The following CHODL variants were observed in gnomAD, a reference collection of about 807,000 sequenced individuals.
CHODL encodes transmembrane protein MT75.
CHODL carries 29 observed loss-of-function variants against 34.5 expected under a neutral mutation model. The observed-to-expected ratio is 0.84, with a 90% CI of 0.63 to 1.15. CHODL has a LOEUF of 1.15. Ranked by LOEUF, CHODL falls within the 50% of genes most tolerant of loss-of-function variation. The pLI is 0.00. For synonymous variants in CHODL, 125 were observed against 116.1 expected (o/e 1.08, Z -0.49); for missense variants, 332 against 332.5 (o/e 1.00, Z 0.01).
chr21:17,954,188 ATTT>A (rs1398518174), intron 1 of CHODL, among the ~76,000 whole-genome samples: 1 of 152,176 alleles, frequency 6.6e-6, no homozygotes, highest in Non-Finnish European at 1.5e-5. Context: ...AATGAGTGAT[ATTT>A]TGCAATAAGT....
chr21:18,223,190 G>A (rs1243566809), intron 2 of CHODL, among the ~76,000 whole-genome samples: 2 of 152,098 alleles, frequency 1.3e-5, no homozygotes, highest in African/African-American at 2.4e-5. Context: ...TAGAACCAAA[G>A]CATTTTGTTG....
intron 2 of CHODL, among the ~76,000 whole-genome samples, chr21:18,059,778 A>G (rs2064635022): frequency 6.6e-6 from 1 of 152,178 alleles, no homozygotes; most frequent in African/African-American, 2.4e-5. Context: ...GTTCTCACTT[A>G]TAAGCGGGGA....
chr21:17,938,428 C>A (rs1007956764), intron 1 of CHODL, among the ~76,000 whole-genome samples: 1 of 144,834 alleles, frequency 6.9e-6, no homozygotes, highest in African/African-American at 2.6e-5. Context: ...CTTATGAACT[C>A]CGATTTTAAA....
intron 2 of CHODL, among the ~76,000 whole-genome samples, chr21:18,043,403 T>G (rs568437386): frequency 6.6e-6 from 1 of 152,014 alleles, no homozygotes; most frequent in Non-Finnish European, 1.5e-5. Context: ...TATGTGAATC[T>G]GTCATTTCTT....
In CHODL at chr21:18,260,189, A is replaced by C; in HGVS notation, c.548-11A>C. ...ATCATTATATATGATGGTGGTTCTT[A>C]TTATTTACAGAGATTAATCCAACAG... On this transcript the variant is annotated splice_polypyrimidine_tract_variant and intron_variant, in intron 3 of 5. Coordinates refer to ENST00000299295, the MANE Select transcript of CHODL (RefSeq NM_024944.3). 7.1e-7 allele frequency: 1 copy of C among 1,408,312 alleles called. No individual in the cohort carries two copies. Among genetic ancestry groups the C allele is most frequent in the Non-Finnish European group, 9.6e-7 (1 of 1,040,770 alleles). 87.2% of individuals were successfully genotyped at this position (1,408,312 alleles called of 1,614,324 possible). A position where few individuals can be genotyped will look rare whatever the true frequency, so the allele number is the denominator to read the frequency against.
At chr21:18,121,607 A>G (rs1408239367) in intron 2 of CHODL, among the ~76,000 whole-genome samples, 1 of 152,172 alleles carries the variant, frequency 6.6e-6, no homozygotes, top group Non-Finnish European at 1.5e-5. Context: ...CTAAAAATCA[A>G]GTTATTGTTT....
intron 2 of CHODL, among the ~76,000 whole-genome samples, chr21:18,139,313 C>T (rs2072774157): frequency 6.6e-6 from 1 of 151,932 alleles, no homozygotes; most frequent in Admixed American, 6.6e-5. Context: ...AGAAGGGCCA[C>T]TGGAGAACCC....
chr21:18,120,195 A>G (rs1006491549), intron 2 of CHODL, among the ~76,000 whole-genome samples: 4 of 152,184 alleles, frequency 2.6e-5, no homozygotes, highest in African/African-American at 7.2e-5. Flanking sequence ...TAAATTATTG[A>G]GCTATGTCCA....
At chr21:18,188,636 A>T (rs1361365589) in intron 2 of CHODL, among the ~76,000 whole-genome samples, 1 of 152,176 alleles carries the variant, frequency 6.6e-6, no homozygotes, top group Non-Finnish European at 1.5e-5. Context: ...GGATATGTTG[A>T]CGTTTTGGTC....
chr21:18,258,027 G>A lies in CHODL; in HGVS notation c.547+900G>A, dbSNP rs144295415. 2.9e-3 allele frequency among the ~76,000 whole-genome samples: 443 copies of A among 152,110 alleles called. 1 individual carries two copies. The highest frequency in any genetic ancestry group is 1.0e-2 in the African/African-American group (413 of 41,498). On this transcript the variant is annotated intron_variant, in intron 3 of 5. Transcript: ENST00000299295. Reference sequence around the variant, plus strand: ...AGGTGTCTGCTTGAACTCATAATACGTGTTCACAGAAGGCAATTATAGTTG... The same window carrying A: ...AGGTGTCTGCTTGAACTCATAATACATGTTCACAGAAGGCAATTATAGTTG...
chr21:17,925,553 A>G (rs931216188), intron 1 of CHODL, among the ~76,000 whole-genome samples: 2 of 152,248 alleles, frequency 1.3e-5, no homozygotes, highest in South Asian at 4.1e-4. Context: ...CTTGTTGAAT[A>G]AATAAACAAG....
chr21:18,173,739 G>A (rs1350592558), intron 2 of CHODL, among the ~76,000 whole-genome samples: 2 of 152,002 alleles, frequency 1.3e-5, no homozygotes, highest in African/African-American at 4.8e-5. Flanking sequence ...TACGGGATGA[G>A]AAAATATTTA....
chr21:17,947,176 G>A (rs750364835), intron 1 of CHODL, among the ~76,000 whole-genome samples: 13 of 151,964 alleles, frequency 8.6e-5, no homozygotes, highest in Non-Finnish European at 1.6e-4. Context: ...GATCATAATG[G>A]TTTAAAACTA....
chr21:18,098,380 C>G (rs1219721229), intron 2 of CHODL, among the ~76,000 whole-genome samples: 1 of 151,598 alleles, frequency 6.6e-6, no homozygotes, highest in Non-Finnish European at 1.5e-5. Flanking sequence ...AATAATAATT[C>G]AATTAAAAAT....
intron 2 of CHODL, among the ~76,000 whole-genome samples, chr21:18,079,046 TA>T (rs2064902259): frequency 6.6e-6 from 1 of 152,194 alleles, no homozygotes; most frequent in Non-Finnish European, 1.5e-5. Flanking sequence ...TGTATAGTGG[TA>T]AAGCCTGGGC....
chr21:17,981,093 A>G (rs551500945), intron 1 of CHODL, among the ~76,000 whole-genome samples: 11 of 152,202 alleles, frequency 7.2e-5, no homozygotes, highest in African/African-American at 2.7e-4. Flanking sequence ...CACTATACAA[A>G]CCCTGATGTC....
At chr21:17,921,251 G>A (rs748946478) in intron 1 of CHODL, among the ~76,000 whole-genome samples, 1 of 152,184 alleles carries the variant, frequency 6.6e-6, no homozygotes, top group Non-Finnish European at 1.5e-5. Context: ...GAGGAGGCTG[G>A]TCTTTTTGTT....
intron 2 of CHODL, among the ~76,000 whole-genome samples, chr21:18,052,803 A>C (rs568424288): frequency 6.6e-6 from 1 of 152,036 alleles, no homozygotes; most frequent in South Asian, 2.1e-4. Flanking sequence ...ACTTCCTGAA[A>C]TATGTGAATT....
chr21:18,065,909 A>T (rs2064726547), intron 2 of CHODL, among the ~76,000 whole-genome samples: 1 of 152,222 alleles, frequency 6.6e-6, no homozygotes, highest in South Asian at 2.1e-4. Flanking sequence ...CCCACAGCTG[A>T]TAGTGATGCA....
Sources: gnomAD v4.1 joint callset for allele counts (sites outside exome capture counted in the v4.1 genomes callset) on GRCh38, gnomAD v4.1.1 for gene constraint, MANE v1.5 for transcripts, NCBI Gene and HGNC (gene_info 2026-07-23, HGNC 2026-07-21) for gene names.